ZFHX4: variants seen among roughly 807,000 people sequenced by gnomAD.
ZFHX4 encodes zinc finger homeobox protein 4.
A neutral mutation model predicts 267.6 loss-of-function variants in ZFHX4; 56 were observed. The ratio of observed to expected loss-of-function variants is 0.21; its 90% CI spans 0.17 to 0.26. The LOEUF is 0.26. ZFHX4 is among the 10% of genes least tolerant of loss of function. The pLI is 1.00. For synonymous variants in ZFHX4, 1,778 were observed against 1,665.6 expected (o/e 1.07, Z -1.64); for missense variants, 4,332 against 4,420.0 (o/e 0.98, Z 0.56).
At chr8:76,731,970 T>C (rs1397054372) in intron 3 of ZFHX4, among the ~76,000 whole-genome samples, 1 of 151,710 alleles carries the variant, frequency 6.6e-6, no homozygotes, top group Non-Finnish European at 1.5e-5. Flanking sequence ...GCTTCCCAAG[T>C]AACTGGGACT....
At chr8:76,846,385 A>G (rs1812364487) in intron 6 of ZFHX4, among the ~76,000 whole-genome samples, 3 of 152,052 alleles carry the variant, frequency 2.0e-5, no homozygotes, top group Admixed American at 2.0e-4. Flanking sequence ...TGGTAATTTC[A>G]AACAAAATGG....
chr8:76,740,287 A>G lies in ZFHX4; in HGVS notation c.3093+32239A>G, dbSNP rs140151425. On this transcript the variant is annotated intron_variant, in intron 3 of 10. Coordinates refer to ENST00000651372, the MANE Select transcript of ZFHX4 (RefSeq NM_024721.5). ...GAAGAACAAAAAGGAAGGAAGGAAG[A>G]AAGGAGTAGGAGATAGGAGAGAGAA... 5.4e-3 allele frequency among the ~76,000 whole-genome samples: 814 copies of G among 151,760 alleles called. 11 individuals are homozygous for G. The highest frequency in any genetic ancestry group is 0.018 in the African/African-American group (761 of 41,388).
intron 4 of ZFHX4, among the ~76,000 whole-genome samples, chr8:76,791,312 G>C (rs532841040): frequency 3.3e-5 from 5 of 152,192 alleles, no homozygotes; most frequent in Non-Finnish European, 7.4e-5. Context: ...TACCATCACA[G>C]CTTATATGGT....
At position 76,823,832 on chromosome 8, in the gene ZFHX4, G is replaced by A. The variant is rs573934508; in HGVS notation, c.3326-9506G>A. Among the ~76,000 whole-genome samples the A allele has an allele frequency of 9.2e-5, 14 of 152,300 alleles. No homozygotes were observed. The South Asian group carries it at 1.9e-3, about 20-fold the overall frequency. On this transcript the variant is annotated intron_variant, in intron 4 of 10. Transcript: ENST00000651372. ...TCACAAAATAAATAACCCAACCTAT[G>A]AGAAGCAATAATTTCTCCCATGTAT...
intron 3 of ZFHX4, 74 bp from the exon 4 acceptor site, chr8:76,778,134 G>C: frequency 1.1e-6 from 1 of 941,298 alleles, no homozygotes; most frequent in Non-Finnish European, 1.7e-6. Context: ...ATCATGCCAT[G>C]GGTGGGTGTC....
intron 4 of ZFHX4, among the ~76,000 whole-genome samples, chr8:76,820,080 A>G (rs2131862346): frequency 6.6e-6 from 1 of 152,286 alleles, no homozygotes; most frequent in African/African-American, 2.4e-5. Flanking sequence ...TATTCTTTCT[A>G]TGTCCTAGTA....
chr8:76,722,030 T>A (rs1378047920), intron 3 of ZFHX4, among the ~76,000 whole-genome samples: 3 of 152,110 alleles, frequency 2.0e-5, no homozygotes, highest in Admixed American at 2.0e-4. Flanking sequence ...AGTCTTACTA[T>A]TTTATCTATT....
Position 76,855,412 on chromosome 8 carries a change from G to A in ZFHX4, c.8491G>A (p.Gly2831Arg), listed in dbSNP as rs554869311. ...AATGGAAAGCACCACAGGAAGTTCC[G>A]GAGATGTGAAACCGGCTTTGTCTCC... ...TEMESTTGSS[G>R]DVKPALSPKE... The change falls in exon 10 of 11, where the codon GGA (glycine) becomes AGA (arginine). Residue 2831 changes from glycine to arginine, a missense_variant. Around this residue, in one of 7 missense-constraint regions of ZFHX4, gnomAD observed 1,648 missense variants for 1,625.0 expected, o/e 1.01. Transcript: ENST00000651372. 38 of 1,613,502 alleles carry A rather than the reference G, an allele frequency of 2.4e-5. No homozygotes were observed. The Admixed American group carries it at 2.5e-4, about 11-fold the overall frequency.
chr8:76,729,225 T>C (rs1317851024), intron 3 of ZFHX4, among the ~76,000 whole-genome samples: 2 of 152,164 alleles, frequency 1.3e-5, no homozygotes, highest in African/African-American at 4.8e-5. Flanking sequence ...ATTGTAATGA[T>C]AGCCAGCATC....
intron 3 of ZFHX4, among the ~76,000 whole-genome samples, chr8:76,719,050 TA>T (rs994150478): frequency 4.0e-5 from 6 of 150,860 alleles, no homozygotes; most frequent in South Asian, 4.2e-4. Context: ...TGTTAGATGA[TA>T]AAAAAAAGGC....
intron 4 of ZFHX4, among the ~76,000 whole-genome samples, chr8:76,815,989 G>A (rs1342959722): frequency 6.6e-6 from 1 of 152,196 alleles, no homozygotes; most frequent in Non-Finnish European, 1.5e-5. Flanking sequence ...CGTTAACCTT[G>A]TTGCTAGTAC....
chr8:76,752,179 G>C (rs1452931044), intron 3 of ZFHX4, among the ~76,000 whole-genome samples: 3 of 152,112 alleles, frequency 2.0e-5, no homozygotes, highest in Non-Finnish European at 4.4e-5. Flanking sequence ...ATGAAGTCTA[G>C]AGTTTTGATA....
At chr8:76,792,140 C>T (rs551958560) in intron 4 of ZFHX4, among the ~76,000 whole-genome samples, 109 of 152,198 alleles carry the variant, frequency 7.2e-4, no homozygotes, top group African/African-American at 2.6e-3. Context: ...GAGCCCTGGG[C>T]CAACCTCAGC....
In ZFHX4 at chr8:76,705,519, G is replaced by A. The variant is rs769536668; in HGVS notation, c.1431G>A (p.Ala477=). The A allele has an allele frequency of 1.9e-6, 3 of 1,613,528 alleles. No individual in the cohort carries two copies. The highest frequency in any genetic ancestry group is 1.1e-5 in the South Asian group (1 of 90,992). ...CGGGAGATGAGGATGAAGAAGATGC[G>A]TACTCCAATGAACTTGATGACGAGG... ...TEPGDEDEED[A]YSNELDDEEV... The change falls in exon 2 of 11, where the codon GCG becomes GCA. Residue 477 remains alanine, a synonymous_variant. Transcript: ENST00000651372.
Position 76,854,756 on chromosome 8 carries a change from T to C in ZFHX4, c.7835T>C (p.Ile2612Thr), listed in dbSNP as rs946955344. The C allele has an allele frequency of 1.2e-6, 2 of 1,610,644 alleles. No individual in the cohort carries two copies. Among genetic ancestry groups the C allele is most frequent in the Non-Finnish European group, 1.7e-6 (2 of 1,178,590 alleles). The change falls in exon 10 of 11, where the codon ATC becomes ACC. Residue 2612 changes from isoleucine to threonine, a missense_variant. This residue lies in a region of ZFHX4 where 1,648 missense variants were observed against 1,625.0 expected (regional missense o/e 1.01). Transcript: ENST00000651372. ...QHRDKRLRTT[I>T]TPEQLEILYE... ...CGAGATAAACGCTTGAGAACCACGA[T>C]CACCCCGGAACAGCTGGAAATACTC...
At position 76,815,726 on chromosome 8, in the gene ZFHX4, A is replaced by G. The variant is rs145370017; in HGVS notation, c.3326-17612A>G. On this transcript the variant is annotated intron_variant, in intron 4 of 10. Transcript: ENST00000651372. ...ATATTGCCTAGGCTGTTCTTGAACT[A>G]CTGGGCTCCAGAAATTCTCCCGCCT... is the stretch of plus-strand genomic sequence containing the variant. Among the ~76,000 whole-genome samples, 255 of 152,132 alleles carry G rather than the reference A, an allele frequency of 1.7e-3. 1 individual carries two copies. The highest frequency in any genetic ancestry group is 5.7e-3 in the African/African-American group (236 of 41,506).
rs1812926896 is a variant in ZFHX4 at position 76,863,357 on chromosome 8, C to A, written c.9643C>A (p.His3215Asn). The change falls in exon 11 of 11, where the codon CAC (histidine) becomes AAC (asparagine). Residue 3215 changes from histidine (H) to asparagine (N), a missense_variant. By Grantham distance (68) the His-to-Asn change is moderately conservative. Around this residue, in one of 7 missense-constraint regions of ZFHX4, gnomAD observed 1,648 missense variants for 1,625.0 expected, o/e 1.01. Transcript: ENST00000651372. ...EELEATKPEK[H>N]PKKEEKISSA... is the part of the protein sequence containing the mutation. The stretch of plus-strand genomic sequence containing the variant: ...ATTAGAGGCCACCAAACCCGAAAAA[C>A]ACCCCAAAAAAGAGGAAAAAATCTC... 6.2e-7 allele frequency: 1 copy of A among 1,613,702 alleles called. No individual in the cohort carries two copies. The highest frequency in any genetic ancestry group is 8.5e-7 in the Non-Finnish European group (1 of 1,179,838).
Position 76,830,556 on chromosome 8 carries a change from T to C in ZFHX4, c.3326-2782T>C, listed in dbSNP as rs76542654. ...AGAAAAATATAGATTCATCATTTCA[T>C]TTTGTAAGTCAAAAGCTCCTTTATT... is the stretch of plus-strand genomic sequence containing the variant. On this transcript the variant is annotated intron_variant, in intron 4 of 10. Transcript: ENST00000651372. Among the ~76,000 whole-genome samples the C allele has an allele frequency of 7.4e-3, 1,123 of 152,328 alleles. 10 individuals carry two copies. Among genetic ancestry groups the C allele is most frequent in the African/African-American group, 0.026 (1,063 of 41,572 alleles).
intron 6 of ZFHX4, among the ~76,000 whole-genome samples, chr8:76,843,546 T>C (rs1812290956): frequency 6.6e-6 from 1 of 152,188 alleles, no homozygotes; most frequent in African/African-American, 2.4e-5. Context: ...TATGACTTCA[T>C]CCATGCTTTG....
Sources: gnomAD v4.1 joint callset for allele counts (sites outside exome capture counted in the v4.1 genomes callset) on GRCh38, gnomAD v4.1.1 for gene constraint, gnomAD v4.1.1 regional missense constraint, MANE v1.5 for transcripts, NCBI Gene and HGNC (gene_info 2026-07-23, HGNC 2026-07-21) for gene names.